LGR6: variants seen among roughly 807,000 people sequenced by gnomAD.
The protein encoded by LGR6 is leucine-rich repeat-containing G protein-coupled receptor 6.
A neutral mutation model predicts 69.4 loss-of-function variants in LGR6; 45 were observed. The observed-to-expected ratio is 0.65, with a 90% CI of 0.51 to 0.83. LGR6 has a LOEUF of 0.83. Ranked by LOEUF, LGR6 falls within the 40% of genes least tolerant of loss-of-function variation. LGR6 has a pLI of 0.00. For synonymous variants in LGR6, 538 were observed against 555.0 expected (o/e 0.97, Z 0.43); for missense variants, 1,108 against 1,246.7 (o/e 0.89, Z 1.68).
intron 1 of LGR6, among the ~76,000 whole-genome samples, chr1:202,206,408 C>A (rs984363016): frequency 5.9e-5 from 9 of 152,350 alleles, no homozygotes; most frequent in African/African-American, 2.2e-4. Context: ...GGCCCCCCAG[C>A]GCAGTTACCT....
chr1:202,248,135 G>C (rs1320630148), intron 4 of LGR6, among the ~76,000 whole-genome samples: 1 of 152,220 alleles, frequency 6.6e-6, no homozygotes, highest in Admixed American at 6.5e-5. Context: ...TCCTTCCCTG[G>C]CCACCGGCTG....
At chr1:202,194,226 C>G in intron 1 of LGR6, 25 bp downstream of exon 1, 1 of 1,510,260 alleles carries the variant, frequency 6.6e-7, no homozygotes, top group Non-Finnish European at 8.9e-7. Flanking sequence ...CCTGTCCCCG[C>G]CTGGTCCTGC....
intron 6 of LGR6, among the ~76,000 whole-genome samples, chr1:202,289,062 G>A (rs1666605257): frequency 6.6e-6 from 1 of 152,192 alleles, no homozygotes; most frequent in African/African-American, 2.4e-5. Flanking sequence ...GGTGGTGAGA[G>A]TATGAAGTGT....
chr1:202,214,247 G>A (rs1403200655), intron 1 of LGR6: 4 of 1,536,120 alleles, frequency 2.6e-6, no homozygotes, highest in Non-Finnish European at 2.6e-6. Flanking sequence ...GGTAGGCTTG[G>A]GGGAAGGGTG....
At chr1:202,292,096 G>A (rs1005273115) in intron 6 of LGR6, among the ~76,000 whole-genome samples, 1 of 152,190 alleles carries the variant, frequency 6.6e-6, no homozygotes, top group Non-Finnish European at 1.5e-5. Flanking sequence ...TGTGAAAATG[G>A]CACAACCCAT....
At chr1:202,219,285 G>A (rs564012703) in intron 1 of LGR6, among the ~76,000 whole-genome samples, 1 of 152,352 alleles carries the variant, frequency 6.6e-6, no homozygotes, top group South Asian at 2.1e-4. Flanking sequence ...CTCCTGCCAT[G>A]GCAGGATATG....
chr1:202,266,911 C>T (rs1664716570), intron 4 of LGR6, among the ~76,000 whole-genome samples: 1 of 152,060 alleles, frequency 6.6e-6, no homozygotes, highest in African/African-American at 2.4e-5. Context: ...CGCGCACACA[C>T]ACACACACAA....
At chr1:202,298,878 C>T (rs1405953237) in intron 7 of LGR6, among the ~76,000 whole-genome samples, 1 of 151,876 alleles carries the variant, frequency 6.6e-6, no homozygotes, top group Non-Finnish European at 1.5e-5. Context: ...TAGTACTAGC[C>T]CCATGCCACC....
chr1:202,301,492 A>G (rs1667592264), intron 9 of LGR6, among the ~76,000 whole-genome samples: 1 of 152,172 alleles, frequency 6.6e-6, no homozygotes, highest in Non-Finnish European at 1.5e-5. Flanking sequence ...CCATCTCCAT[A>G]GTCAAGGACT....
chr1:202,222,895 G>A (rs1359272885), intron 1 of LGR6, among the ~76,000 whole-genome samples: 1 of 152,160 alleles, frequency 6.6e-6, no homozygotes, highest in Non-Finnish European at 1.5e-5. Flanking sequence ...TTGAGGTCAG[G>A]AGTTCGAGAC....
chr1:202,248,458 C>T (rs1662941102), intron 4 of LGR6, among the ~76,000 whole-genome samples: 1 of 152,210 alleles, frequency 6.6e-6, no homozygotes, highest in Admixed American at 6.5e-5. Flanking sequence ...ATCCGGGGGA[C>T]TCTCGCCAAA....
intron 1 of LGR6, among the ~76,000 whole-genome samples, chr1:202,224,957 C>G (rs1242949520): frequency 6.6e-6 from 1 of 152,212 alleles, no homozygotes. Flanking sequence ...ACTGAATGAG[C>G]CTGCTCCATA....
chr1:202,227,559 A>C (rs1660654670), intron 2 of LGR6, among the ~76,000 whole-genome samples: 2 of 152,138 alleles, frequency 1.3e-5, no homozygotes, highest in African/African-American at 4.8e-5. Flanking sequence ...CCAGCAGTTG[A>C]GAGCAGGCGG....
intron 1 of LGR6, among the ~76,000 whole-genome samples, chr1:202,205,627 A>C (rs1659177449): frequency 7.1e-6 from 1 of 141,822 alleles, no homozygotes; most frequent in Admixed American, 7.1e-5. Flanking sequence ...ACACATACAC[A>C]TACACCTCCT....
At chr1:202,281,649 C>T (rs1666015674) in intron 6 of LGR6, among the ~76,000 whole-genome samples, 1 of 152,004 alleles carries the variant, frequency 6.6e-6, no homozygotes, top group South Asian at 2.1e-4. Context: ...CGGAGAGGGT[C>T]GATGGGGAGA....
intron 1 of LGR6, among the ~76,000 whole-genome samples, chr1:202,210,358 G>A (rs2147912794): frequency 6.6e-6 from 1 of 150,962 alleles, no homozygotes; most frequent in South Asian, 2.1e-4. Context: ...TTGGTGGAAT[G>A]AGTAAAGAGA....
intron 2 of LGR6, among the ~76,000 whole-genome samples, chr1:202,226,592 A>T (rs562886183): frequency 6.6e-6 from 1 of 152,262 alleles, no homozygotes; most frequent in African/African-American, 2.4e-5. Context: ...ATCCAGACCA[A>T]GTACTTGTTG....
At chr1:202,260,828 G>C (rs1252659293) in intron 4 of LGR6, among the ~76,000 whole-genome samples, 1 of 152,052 alleles carries the variant, frequency 6.6e-6, no homozygotes, top group Non-Finnish European at 1.5e-5. Flanking sequence ...ATTTTTCTCA[G>C]AATCCTGTAG....
At chr1:202,227,123 T>A (rs1459272280) in intron 2 of LGR6, among the ~76,000 whole-genome samples, 1 of 152,220 alleles carries the variant, frequency 6.6e-6, no homozygotes, top group Non-Finnish European at 1.5e-5. Flanking sequence ...CACATAGTTT[T>A]TTTTTAAACA....
Sources: allele counts gnomAD v4.1 joint callset (sites outside exome capture counted in the v4.1 genomes callset), GRCh38; gene constraint gnomAD v4.1.1; transcripts MANE v1.5; gene names NCBI Gene and HGNC (gene_info 2026-07-23, HGNC 2026-07-21).